The following STK32B variants were observed in gnomAD, a reference collection of about 807,000 sequenced individuals.
The protein encoded by STK32B is serine/threonine kinase 32B.
STK32B carries 43 observed loss-of-function variants against 52.6 expected under a neutral mutation model. That is an observed-to-expected ratio of 0.82 (90% CI 0.64 to 1.05). STK32B has a LOEUF of 1.05. Among genes scored for constraint, STK32B ranks in the 50% least tolerant of loss-of-function variants. The pLI is 0.00. For missense variants in STK32B, 621 were observed against 534.6 expected, an observed-to-expected ratio of 1.16 and a Z score of -1.59; for synonymous variants, 238 against 204.3, an observed-to-expected ratio of 1.17 and a Z score of -1.41.
chr4:5,094,121 A>G (rs1713252318), intron 1 of STK32B, among the ~76,000 whole-genome samples: 1 of 152,158 alleles, frequency 6.6e-6, no homozygotes. Flanking sequence ...CAGCTGTTAT[A>G]TGGGTGCAGG....
chr4:5,248,945 G>T (rs1470137143), intron 3 of STK32B, among the ~76,000 whole-genome samples: 2 of 150,578 alleles, frequency 1.3e-5, no homozygotes, highest in African/African-American at 4.9e-5. Flanking sequence ...GGAGAGGGGA[G>T]GAGGGATAGC....
At chr4:5,270,971 T>C (rs567179108) in intron 3 of STK32B, among the ~76,000 whole-genome samples, 7 of 143,488 alleles carry the variant, frequency 4.9e-5, no homozygotes, top group African/African-American at 1.2e-4. Flanking sequence ...GACAGAGTGC[T>C]GTGTCACCCA....
intron 3 of STK32B, among the ~76,000 whole-genome samples, chr4:5,212,570 G>C (rs949499683): frequency 6.6e-6 from 1 of 152,198 alleles, no homozygotes; most frequent in Non-Finnish European, 1.5e-5. Context: ...CTGGCACCTC[G>C]TGAAGTCAGA....
chr4:5,430,686 C>T (rs577403061), intron 6 of STK32B, among the ~76,000 whole-genome samples: 2,704 of 152,222 alleles, frequency 0.018, 84 homozygotes, highest in African/African-American at 0.06. Context: ...TCTTTTACTA[C>T]TATGCTTTTA....
At chr4:5,114,932 A>G (rs1714634998) in intron 1 of STK32B, among the ~76,000 whole-genome samples, 1 of 152,136 alleles carries the variant, frequency 6.6e-6, no homozygotes, top group African/African-American at 2.4e-5. Flanking sequence ...CTGACCCCAT[A>G]TAATGAACAA....
intron 1 of STK32B, among the ~76,000 whole-genome samples, chr4:5,083,638 A>G (rs1218394176): frequency 1.3e-5 from 2 of 152,228 alleles, no homozygotes; most frequent in East Asian, 1.9e-4. Flanking sequence ...TATGTACATA[A>G]GTAATAATTG....
chr4:5,113,902 A>G (rs1422469304), intron 1 of STK32B, among the ~76,000 whole-genome samples: 9 of 145,794 alleles, frequency 6.2e-5, no homozygotes, highest in Non-Finnish European at 3.0e-5. Context: ...GGCAAAAAGA[A>G]AGAGAGCTTA....
chr4:5,376,448 C>G (rs1735593621), intron 4 of STK32B, among the ~76,000 whole-genome samples: 1 of 151,804 alleles, frequency 6.6e-6, no homozygotes, highest in South Asian at 2.1e-4. Context: ...CTCATTGCTC[C>G]CATTTTGGCC....
At chr4:5,212,324 C>A (rs902132146) in intron 3 of STK32B, among the ~76,000 whole-genome samples, 2 of 152,126 alleles carry the variant, frequency 1.3e-5, no homozygotes, top group East Asian at 3.9e-4. Context: ...CCCGAGCAGT[C>A]AAGGTTATTT....
At chr4:5,322,172 A>G (rs894493608) in intron 3 of STK32B, among the ~76,000 whole-genome samples, 4 of 152,082 alleles carry the variant, frequency 2.6e-5, no homozygotes, top group Admixed American at 6.5e-5. Context: ...TGTCTATGAA[A>G]AATAATAATA....
At chr4:5,372,621 G>T (rs1577409078) in intron 4 of STK32B, among the ~76,000 whole-genome samples, 1 of 151,790 alleles carries the variant, frequency 6.6e-6, no homozygotes, top group South Asian at 2.1e-4. Context: ...ATCTTTTCTG[G>T]GTCAGTGGAC....
intron 1 of STK32B, among the ~76,000 whole-genome samples, chr4:5,087,315 C>T (rs1331815181): frequency 6.6e-6 from 1 of 151,222 alleles, no homozygotes; most frequent in East Asian, 1.9e-4. Context: ...TAGAGAGAAA[C>T]CAAAAAGAAA....
At chr4:5,374,327 A>G (rs1203052563) in intron 4 of STK32B, among the ~76,000 whole-genome samples, 1 of 152,242 alleles carries the variant, frequency 6.6e-6, no homozygotes, top group Non-Finnish European at 1.5e-5. Flanking sequence ...TACTATTTGA[A>G]TAACATTCTA....
intron 3 of STK32B, among the ~76,000 whole-genome samples, chr4:5,220,771 G>C (rs1723479538): frequency 6.6e-6 from 1 of 152,168 alleles, no homozygotes; most frequent in African/African-American, 2.4e-5. Context: ...AGTGGAGGCA[G>C]AAAGAACAGA....
At chr4:5,123,311 T>C (rs1715173215) in intron 1 of STK32B, among the ~76,000 whole-genome samples, 1 of 152,172 alleles carries the variant, frequency 6.6e-6, no homozygotes, top group South Asian at 2.1e-4. Flanking sequence ...CCGGCTGCTA[T>C]CTCTGCACCC....
intron 11 of STK32B, among the ~76,000 whole-genome samples, chr4:5,475,170 C>T (rs1452231085): frequency 6.6e-6 from 1 of 152,092 alleles, no homozygotes; most frequent in African/African-American, 2.4e-5. Context: ...ACCTGTAATC[C>T]TAGCACTTTG....
intron 4 of STK32B, among the ~76,000 whole-genome samples, chr4:5,346,706 T>G (rs1733485424): frequency 6.6e-6 from 1 of 152,042 alleles, no homozygotes; most frequent in Admixed American, 6.5e-5. Context: ...CAAGGAGGAG[T>G]GCTCACCTCC....
At chr4:5,219,911 G>C (rs1399200347) in intron 3 of STK32B, among the ~76,000 whole-genome samples, 1 of 152,174 alleles carries the variant, frequency 6.6e-6, no homozygotes, top group Non-Finnish European at 1.5e-5. Flanking sequence ...TCTGGAACAG[G>C]ACAGTGGTTG....
At chr4:5,048,892 C>G (rs1741666687), upstream of STK32B, among the ~76,000 whole-genome samples, 1 of 152,258 alleles carries the variant, frequency 6.6e-6, no homozygotes. Flanking sequence ...GTACCAGAGT[C>G]AGGCACATTC....
Sources: gnomAD v4.1 joint callset for allele counts (sites outside exome capture counted in the v4.1 genomes callset) on GRCh38, gnomAD v4.1.1 for gene constraint, MANE v1.5 for transcripts, NCBI Gene and HGNC (gene_info 2026-07-23, HGNC 2026-07-21) for gene names.